Variants in LRRC8E observed in about 807,000 individuals in gnomAD.
LRRC8E encodes the protein leucine rich repeat containing 8 VRAC subunit E, also known as volume-regulated anion channel subunit LRRC8E.
LRRC8E carries 6 observed loss-of-function variants against 6.1 expected under a neutral mutation model. That is an observed-to-expected ratio of 0.98 (90% confidence interval 0.54 to 1.93). The LOEUF is 1.93. LRRC8E is among the 30% of genes most tolerant of loss of function. The pLI is 0.01. For missense variants in LRRC8E, 1,028 were observed against 1,031.4 expected (o/e 1.00, Z 0.04); for synonymous variants, 485 against 472.8 (o/e 1.03, Z -0.33).
intron 1 of LRRC8E, among the ~76,000 whole-genome samples, chr19:7,891,401 C>A (rs1981297739): frequency 6.6e-6 from 1 of 152,004 alleles, no homozygotes; most frequent in Non-Finnish European, 1.5e-5. Flanking sequence ...ATAATGATAG[C>A]CCCTGTGGCT....
rs372130912 is a variant in LRRC8E at position 7,895,592 on chromosome 19, C to T, written c.-5-7C>T. On this transcript the variant is annotated splice_region_variant and splice_polypyrimidine_tract_variant and intron_variant, in intron 1 of 2. Transcript: ENST00000306708. This position sits in a 1 kb window ranked among gnomAD's most constrained non-coding sequence, Gnocchi z 4.7. Reference sequence around the variant, plus strand: ...CTCTACACCCCCCGTCTCGTCCCGTCCCACAGGCAGCATGATCCCAGTGGC... The same window carrying T: ...CTCTACACCCCCCGTCTCGTCCCGTTCCACAGGCAGCATGATCCCAGTGGC... The T allele has an allele frequency of 1.2e-6, 2 of 1,610,894 alleles. No individual in the cohort carries two copies. The highest frequency in any genetic ancestry group is 1.3e-5 in the African/African-American group (1 of 74,868).
intron 2 of LRRC8E, among the ~76,000 whole-genome samples, chr19:7,898,190 C>G (rs907508218): frequency 7.1e-6 from 1 of 140,656 alleles, no homozygotes; most frequent in African/African-American, 2.7e-5. Context: ...CCTGACAGAG[C>G]GAGACTCTTG....
intron 1 of LRRC8E, among the ~76,000 whole-genome samples, chr19:7,890,486 G>A (rs1031032378): frequency 2.0e-4 from 31 of 152,068 alleles, no homozygotes; most frequent in Non-Finnish European, 4.4e-4. Context: ...CACCTCCTGG[G>A]TTCAAGAGAT....
intron 2 of LRRC8E, among the ~76,000 whole-genome samples, chr19:7,897,269 C>A (rs11672917): frequency 0.39 from 58,444 of 151,012 alleles, 11,502 homozygotes; most frequent in East Asian, 0.55. Context: ...TCCCGGGTTC[C>A]AACAATTCTC....
At chr19:7,888,992 C>T (rs1022963313) in intron 1 of LRRC8E, among the ~76,000 whole-genome samples, 1 of 152,216 alleles carries the variant, frequency 6.6e-6, no homozygotes, top group African/African-American at 2.4e-5. Context: ...AGCCTGACCT[C>T]TGGTGCTCTT....
Position 7,901,238 on chromosome 19 carries a change from C to A in LRRC8E, c.*325C>A, listed in dbSNP as rs1981998345. On this transcript the variant is annotated 3_prime_UTR_variant, in exon 3 of 3. Transcript: ENST00000306708. ...GAACTGCTGCCTCTCCCTGGATATT[C>A]CAGCTCAATTAGTGCCACATATGGG... is the stretch of plus-strand genomic sequence containing the variant. 2 of 225,326 alleles carry A rather than the reference C, an allele frequency of 8.9e-6. No homozygotes were observed. The highest frequency in any genetic ancestry group is 1.8e-5 in the Non-Finnish European group (2 of 113,594). The allele number at this position is 225,326 out of a possible 1,614,324, so 14.0% of individuals were successfully genotyped here.
At chr19:7,896,260 T>C (rs1981588832) in intron 2 of LRRC8E, among the ~76,000 whole-genome samples, 2 of 151,078 alleles carry the variant, frequency 1.3e-5, no homozygotes, top group African/African-American at 4.9e-5. Context: ...TTTTCTTTTT[T>C]TTTTTTTTCT....
rs779819987 is a variant in LRRC8E at position 7,900,041 on chromosome 19, C to T, written c.1519C>T (p.Arg507Trp). The T allele has an allele frequency of 9.9e-6, 16 of 1,610,444 alleles. No individual in the cohort carries two copies. Among genetic ancestry groups the T allele is most frequent in the East Asian group, 2.2e-5 (1 of 44,810 alleles). The change falls in exon 3 of 3, where the codon CGG becomes TGG. Residue 507 changes from arginine to tryptophan, a missense_variant. Coordinates refer to ENST00000306708, the MANE Select transcript of LRRC8E (RefSeq NM_025061.6). This position sits in a 1 kb window ranked among gnomAD's most constrained non-coding sequence, Gnocchi z 5.0. ...REVPLWVFGL[R>W]GLEELHLEGL... ...GGTGCCGCTTTGGGTGTTTGGGCTG[C>T]GGGGCTTGGAGGAGCTGCACCTGGA... is the stretch of plus-strand genomic sequence containing the variant.
chr19:7,897,262 C>T (rs547350164), intron 2 of LRRC8E, among the ~76,000 whole-genome samples: 2 of 151,864 alleles, frequency 1.3e-5, no homozygotes, highest in East Asian at 1.9e-4. Context: ...CTCCGCCTCC[C>T]GGGTTCCAAC....
Position 7,900,283 on chromosome 19 carries a change from G to A in LRRC8E, c.1761G>A (p.Leu587=), listed in dbSNP as rs2145116238. 6.2e-7 allele frequency: 1 copy of A among 1,613,406 alleles called. No individual in the cohort carries two copies. The highest frequency in any genetic ancestry group is 2.2e-5 in the East Asian group (1 of 44,874). The change falls in exon 3 of 3, where the codon CTG becomes CTA. Residue 587 remains leucine, a synonymous_variant. Coordinates refer to ENST00000306708, the MANE Select transcript of LRRC8E (RefSeq NM_025061.6). This position sits in a 1 kb window ranked among gnomAD's most constrained non-coding sequence, Gnocchi z 5.0. ...AGAAGCTGGCGGCATTGCGGGAGCT[G>A]GAGCTGGTGGCCTGCGGGCTGGAGC... The part of the protein sequence containing the change: ...SLKKLAALRE[L]ELVACGLERI...
At chr19:7,892,074 ATT>A (rs35978779) in intron 1 of LRRC8E, among the ~76,000 whole-genome samples, 18 of 125,300 alleles carry the variant, frequency 1.4e-4, no homozygotes, top group Admixed American at 2.3e-4. Context: ...AAGATTTTAG[ATT>A]TTTTTTTTTT....
In LRRC8E at chr19:7,898,204, C is replaced by CAA. The variant is rs1432676532; in HGVS notation, c.139-447_139-446dup. Among the ~76,000 whole-genome samples the CAA allele has an allele frequency of 2.4e-3, 152 of 62,960 alleles. 1 individual carries two copies. Among genetic ancestry groups the CAA allele is most frequent in the African/African-American group, 9.2e-3 (148 of 16,022 alleles). The allele number at this position is 62,960 out of a possible 152,430, so 41.3% of individuals were successfully genotyped here. A position where few individuals can be genotyped will look rare whatever the true frequency, so the allele number is the denominator to read the frequency against. On this transcript the variant is annotated intron_variant, in intron 2 of 2. Transcript: ENST00000306708. ...GCCTGACAGAGCGAGACTCTTGTCT[C>CAA]AAAAAAAAAAACCAAAAAAAAAAAA...
intron 2 of LRRC8E, among the ~76,000 whole-genome samples, chr19:7,897,488 T>TG (rs1466379403): frequency 1.3e-5 from 2 of 150,618 alleles, no homozygotes; most frequent in South Asian, 2.1e-4. Flanking sequence ...GAGACAGTTT[T>TG]TTTTTTTTTT....
chr19:7,892,122 G>T (rs1981347623), intron 1 of LRRC8E, among the ~76,000 whole-genome samples: 1 of 151,596 alleles, frequency 6.6e-6, no homozygotes, highest in African/African-American at 2.4e-5. Context: ...GCCCAGGCTG[G>T]AGTACAGTTG....
chr19:7,897,531 G>A (rs1981663393), intron 2 of LRRC8E, among the ~76,000 whole-genome samples: 1 of 146,838 alleles, frequency 6.8e-6, no homozygotes, highest in African/African-American at 2.5e-5. Context: ...AGGCTGGAGT[G>A]CAGTGGCGCA....
At chr19:7,897,857 G>A (rs976940434) in intron 2 of LRRC8E, among the ~76,000 whole-genome samples, 1 of 152,064 alleles carries the variant, frequency 6.6e-6, no homozygotes, top group African/African-American at 2.4e-5. Context: ...AGGATTCGGA[G>A]TTGGGACTTC....
chr19:7,897,547 A>T (rs11666565), intron 2 of LRRC8E, among the ~76,000 whole-genome samples: 1 of 143,188 alleles, frequency 7.0e-6, no homozygotes, highest in East Asian at 2.1e-4. Flanking sequence ...GCGCAATAAT[A>T]GCTCACTGTA....
At position 7,895,351 on chromosome 19, in the gene LRRC8E, C is replaced by T. The variant is rs1022299180; in HGVS notation, c.-5-248C>T. 14 of 494,554 alleles carry T rather than the reference C, an allele frequency of 2.8e-5. No individual in the cohort carries two copies. Among genetic ancestry groups the T allele is most frequent in the South Asian group, 1.6e-4 (6 of 37,844 alleles). The allele number at this position is 494,554 out of a possible 1,614,324, so 30.6% of individuals were successfully genotyped here. A position where few individuals can be genotyped will look rare whatever the true frequency, so the allele number is the denominator to read the frequency against. ...ATGTGCTCTTCGAGGTCAGACAAGT[C>T]AGATCAGGTGCAGGGGTGCCCAGAG... On this transcript the variant is annotated intron_variant, in intron 1 of 2. Transcript: ENST00000306708. The surrounding 1 kb of genome is among the most constrained non-coding windows in gnomAD (Gnocchi z 4.7).
chr19:7,900,150 G>C lies in LRRC8E; in HGVS notation c.1628G>C (p.Arg543Pro). 1 of 1,612,954 alleles carries C rather than the reference G, an allele frequency of 6.2e-7. No homozygotes were observed. ...ELKQLKVLSL[R>P]SNAGKVPASV... ...AAGCAGCTCAAGGTGTTGTCCCTCC[G>C]GAGCAACGCCGGGAAGGTGCCAGCC... The change falls in exon 3 of 3, where the codon CGG (arginine) becomes CCG (proline). Residue 543 changes from arginine to proline, a missense_variant. Physicochemically the swap from Arg to Pro is moderately radical, Grantham distance 103 (BLOSUM62 -2). Transcript: ENST00000306708. This position sits in a 1 kb window ranked among gnomAD's most constrained non-coding sequence, Gnocchi z 5.0.
Sources: allele counts gnomAD v4.1 joint callset (sites outside exome capture counted in the v4.1 genomes callset), GRCh38; gene constraint gnomAD v4.1.1; non-coding constraint Gnocchi (gnomAD v3.1); transcripts MANE v1.5; gene names NCBI Gene and HGNC (gene_info 2026-07-23, HGNC 2026-07-21).